LTBP3: variants seen among roughly 807,000 people sequenced by gnomAD.
LTBP3 encodes the protein latent transforming growth factor beta binding protein 3, also known as latent-transforming growth factor beta-binding protein 3.
In LTBP3, 97 loss-of-function variants were observed where a neutral mutation model predicts 159.7. The observed-to-expected ratio is 0.61, with a 90% CI of 0.52 to 0.72. The LOEUF (loss-of-function observed/expected upper bound fraction) is 0.72. Among genes scored for constraint, LTBP3 ranks in the 30% least tolerant of loss-of-function variants. The pLI is 0.00. For synonymous variants in LTBP3, 824 were observed against 777.1 expected (o/e 1.06, Z -1.00); for missense variants, 1,584 against 1,864.3 (o/e 0.85, Z 2.77).
chr11:65,538,945 C>T lies in LTBP3; in HGVS notation c.*135G>A. On this transcript the variant is annotated 3_prime_UTR_variant, in exon 28 of 28. Coordinates refer to ENST00000301873, the MANE Select transcript of LTBP3 (RefSeq NM_001130144.3). ...GGGGGCCGGTAGGGGCGCCTCGGGTCTCAAGGCGCCGGGAGGGTCTGCGGG... is the reference window on the plus strand; with the variant it reads ...GGGGGCCGGTAGGGGCGCCTCGGGTTTCAAGGCGCCGGGAGGGTCTGCGGG... 1 of 1,309,718 alleles carries T rather than the reference C, an allele frequency of 7.6e-7. No homozygotes were observed. The highest frequency in any genetic ancestry group is 9.7e-7 in the Non-Finnish European group (1 of 1,030,170). 81.1% of individuals were successfully genotyped at this position (1,309,718 alleles called of 1,614,324 possible). A position where few individuals can be genotyped will look rare whatever the true frequency, so the allele number is the denominator to read the frequency against.
intron 11 of LTBP3, among the ~76,000 whole-genome samples, chr11:65,549,576 T>TTC (rs1243229434): frequency 3.9e-5 from 5 of 126,898 alleles, no homozygotes; most frequent in African/African-American, 1.5e-4. Context: ...TCTTTTTTTT[T>TTC]TTTTTTTTTT....
rs2135158030 is a variant in LTBP3 at position 65,553,722 on chromosome 11, C to T, written c.843G>A (p.Gln281=). The change falls in exon 3 of 28, where the codon CAG becomes CAA. Residue 281 remains glutamine, a synonymous_variant. Transcript: ENST00000301873. This position sits in a 1 kb window ranked among gnomAD's most constrained non-coding sequence, Gnocchi z 6.5. ...TCACCGGCTGCTTGGGCAGAGTGTCCTGAAAGCAGCGGCCCAGGGGCTTCT... is the reference window on the plus strand; with the variant it reads ...TCACCGGCTGCTTGGGCAGAGTGTCTTGAAAGCAGCGGCCCAGGGGCTTCT... ...PTQKPLGRCF[Q]DTLPKQPCGS... 6.3e-7 allele frequency: 1 copy of T among 1,578,858 alleles called. No homozygotes were observed. The highest frequency in any genetic ancestry group is 8.5e-7 in the Non-Finnish European group (1 of 1,170,282).
Position 65,553,589 on chromosome 11 carries a change from G to A in LTBP3, c.865-59C>T. The A allele has an allele frequency of 6.7e-7, 1 of 1,503,154 alleles. No homozygotes were observed. The highest frequency in any genetic ancestry group is 9.1e-7 in the Non-Finnish European group (1 of 1,093,838). 93.1% of individuals were successfully genotyped at this position (1,503,154 alleles called of 1,614,324 possible). ...CACCCCGCCCCGGTGCCGCCTGTTA[G>A]GGTTGGGCCTTTTCCTCTTCCCCCG... is the stretch of plus-strand genomic sequence containing the variant. On this transcript the variant is annotated intron_variant, in intron 3 of 27. Transcript: ENST00000301873. The surrounding 1 kb of genome is among the most constrained non-coding windows in gnomAD (Gnocchi z 6.5).
Position 65,540,605 on chromosome 11 carries a change from T to G in LTBP3, c.2987A>C (p.Glu996Ala). 1.2e-6 allele frequency: 2 copies of G among 1,607,572 alleles called. No individual in the cohort carries two copies. The highest frequency in any genetic ancestry group is 8.5e-7 in the Non-Finnish European group (1 of 1,176,850). The change falls in exon 22 of 28, where the codon GAG (glutamate) becomes GCG (alanine). Residue 996 changes from glutamate to alanine, a missense_variant. Transcript: ENST00000301873. Reference protein sequence around the residue: ...YGIPAHRDIDECMLFGSEICK... With the variant: ...YGIPAHRDIDACMLFGSEICK... The stretch of plus-strand genomic sequence containing the variant: ...AATCTCCGACCCGAACAACATGCAC[T>G]CGTCGATGTCTGCGGGGTGACAAAC...
intron 11 of LTBP3, among the ~76,000 whole-genome samples, chr11:65,549,824 G>C (rs1856533201): frequency 6.7e-6 from 1 of 150,206 alleles, no homozygotes; most frequent in Admixed American, 6.6e-5. Flanking sequence ...GGGAGGCCAA[G>C]GCTGGAAGAT....
rs1856414349 is a variant in LTBP3, at chr11:65,547,324, A to C, written c.2107+115T>G. On this transcript the variant is annotated intron_variant, in intron 14 of 27. Coordinates refer to ENST00000301873, the MANE Select transcript of LTBP3 (RefSeq NM_001130144.3). This position sits in a 1 kb window ranked among gnomAD's most constrained non-coding sequence, Gnocchi z 4.6. ...TCACCACCGCACTCCAGCCTGGGCG[A>C]CAGAGTGAGACTCCGTCTCGGGGGA... 1.6e-6 allele frequency: 2 copies of C among 1,280,248 alleles called. No individual in the cohort carries two copies. The highest frequency in any genetic ancestry group is 1.5e-5 in the African/African-American group (1 of 64,890). The allele number at this position is 1,280,248 out of a possible 1,614,324, so 79.3% of individuals were successfully genotyped here. A position where few individuals can be genotyped will look rare whatever the true frequency, so the allele number is the denominator to read the frequency against.
At position 65,546,743 on chromosome 11, in the gene LTBP3, G is replaced by A; in HGVS notation, c.2230+55C>T. On this transcript the variant is annotated intron_variant, in intron 15 of 27. Coordinates refer to ENST00000301873, the MANE Select transcript of LTBP3 (RefSeq NM_001130144.3). The surrounding 1 kb of genome is among the most constrained non-coding windows in gnomAD (Gnocchi z 4.0). ...CCCCGCCCCGCCCCCAGCGGAGCCA[G>A]ACTGGGGGAGGCACCTGACGGCCCC... 1 of 1,014,534 alleles carries A rather than the reference G, an allele frequency of 9.9e-7. No individual in the cohort carries two copies. The highest frequency in any genetic ancestry group is 1.4e-6 in the Non-Finnish European group (1 of 698,474). 62.8% of individuals were successfully genotyped at this position (1,014,534 alleles called of 1,614,324 possible).
chr11:65,547,701 C>G lies in LTBP3; in HGVS notation c.1967G>C (p.Arg656Pro). ...CTGGCGGCGCTCACCCACGCACGAG[C>G]GCCCCCCGGCGCCCACGTGCAGGCG... ...GYRLHVGAGG[R>P]SCVDLNECAK... Residue 656 changes from arginine to proline, a missense_variant, in exon 13 of 28, where the codon CGC (arginine) becomes CCC (proline). Arg to Pro is a moderately radical substitution (Grantham distance 103). Transcript: ENST00000301873. This position sits in a 1 kb window ranked among gnomAD's most constrained non-coding sequence, Gnocchi z 4.6. 4 of 1,604,474 alleles carry G rather than the reference C, an allele frequency of 2.5e-6. No homozygotes were observed. Among genetic ancestry groups the G allele is most frequent in the Non-Finnish European group, 3.4e-6 (4 of 1,177,244 alleles).
At chr11:65,541,940 T>C (rs1413641297) in intron 18 of LTBP3, 4 of 565,010 alleles carry the variant, frequency 7.1e-6, no homozygotes, top group Admixed American at 2.8e-5. Context: ...CCACTAACCT[T>C]ACAAAACCTA....
In LTBP3 at chr11:65,554,764, G is replaced by T. The variant is rs1856747991; in HGVS notation, c.332-384C>A. Among the ~76,000 whole-genome samples, 1 of 152,002 alleles carries T rather than the reference G, an allele frequency of 6.6e-6. No individual in the cohort carries two copies. Among genetic ancestry groups the T allele is most frequent in the Non-Finnish European group, 1.5e-5 (1 of 67,990 alleles). On this transcript the variant is annotated intron_variant, in intron 1 of 27. Coordinates refer to ENST00000301873, the MANE Select transcript of LTBP3 (RefSeq NM_001130144.3). This position sits in a 1 kb window ranked among gnomAD's most constrained non-coding sequence, Gnocchi z 5.3. ...GGTAGCAAATAATTATGGTGATCTGGCTTTCCCCTTGAGCCTTCCAAAGGT... is the reference window on the plus strand; with the variant it reads ...GGTAGCAAATAATTATGGTGATCTGTCTTTCCCCTTGAGCCTTCCAAAGGT...
At chr11:65,556,719 AGT>A (rs1251127667) in intron 1 of LTBP3, among the ~76,000 whole-genome samples, 1 of 152,146 alleles carries the variant, frequency 6.6e-6, no homozygotes. Context: ...GAGCCACATG[AGT>A]GGGGTTCCTT....
In LTBP3 at chr11:65,553,924, C is replaced by T. The variant is rs775424532; in HGVS notation, c.662-21G>A. 19 of 1,519,614 alleles carry T rather than the reference C, an allele frequency of 1.3e-5. No homozygotes were observed. The highest frequency in any genetic ancestry group is 4.4e-6 in the Non-Finnish European group (5 of 1,132,756). The allele number at this position is 1,519,614 out of a possible 1,614,324, so 94.1% of individuals were successfully genotyped here. On this transcript the variant is annotated intron_variant, in intron 2 of 27. Coordinates refer to ENST00000301873, the MANE Select transcript of LTBP3 (RefSeq NM_001130144.3). The surrounding 1 kb of genome is among the most constrained non-coding windows in gnomAD (Gnocchi z 6.5). ...CTGCACTGGGGGCGGGCGCGGTGGC[C>T]TCAGGGCTGCCCGCACCGCGCCGCG...
chr11:65,543,009 A>ATGGG, intron 18 of LTBP3, 96 bp downstream of exon 18: 2 of 1,507,878 alleles, frequency 1.3e-6, no homozygotes, highest in Non-Finnish European at 1.8e-6. Context: ...GGATGGTTGG[A>ATGGG]TGGGTGGATG....
At position 65,538,762 on chromosome 11, in the gene LTBP3, T is replaced by G. The variant is rs1379009011; in HGVS notation, c.*318A>C. 1 of 892,916 alleles carries G rather than the reference T, an allele frequency of 1.1e-6. No individual in the cohort carries two copies. The highest frequency in any genetic ancestry group is 3.0e-5 in the Admixed American group (1 of 33,218). 55.3% of individuals were successfully genotyped at this position (892,916 alleles called of 1,614,324 possible). Reference sequence around the variant, plus strand: ...AGGCGGCTGGGGTCTGGCGCCGCCCTGCGCAGCCCGCGCCCACGTCAGACG... The same window carrying G: ...AGGCGGCTGGGGTCTGGCGCCGCCCGGCGCAGCCCGCGCCCACGTCAGACG... On this transcript the variant is annotated 3_prime_UTR_variant, in exon 28 of 28. Transcript: ENST00000301873.
chr11:65,543,655 C>T, intron 16 of LTBP3, 106 bp from the exon 17 acceptor site: 4 of 1,448,982 alleles, frequency 2.8e-6, no homozygotes, highest in Non-Finnish European at 3.9e-6. Context: ...CTGAGGCCAG[C>T]AGCACTCAGA....
rs1427662669 is a variant in LTBP3, at chr11:65,553,358, A to AGGGATGGGT, written c.970+58_970+66dup. On this transcript the variant is annotated intron_variant, in intron 4 of 27. Coordinates refer to ENST00000301873, the MANE Select transcript of LTBP3 (RefSeq NM_001130144.3). This position sits in a 1 kb window ranked among gnomAD's most constrained non-coding sequence, Gnocchi z 6.5. ...CTGGTGACCTGGGGACTCCCACTGCAGGGATGGGTGGGGTGGGTGGGGAGG... is the reference window on the plus strand; with the variant it reads ...CTGGTGACCTGGGGACTCCCACTGCAGGGATGGGTGGGATGGGTGGGGTGGGTGGGGAGG... 1.4e-5 allele frequency: 7 copies of AGGGATGGGT among 504,526 alleles called. No homozygotes were observed. Among genetic ancestry groups the AGGGATGGGT allele is most frequent in the Non-Finnish European group, 2.1e-5 (7 of 334,660 alleles). 31.3% of individuals were successfully genotyped at this position (504,526 alleles called of 1,614,324 possible).
rs1372102131 is a variant in LTBP3, at chr11:65,547,666, C to T, written c.1978+24G>A. On this transcript the variant is annotated intron_variant, in intron 13 of 27. Transcript: ENST00000301873. The surrounding 1 kb of genome is among the most constrained non-coding windows in gnomAD (Gnocchi z 4.6). The stretch of plus-strand genomic sequence containing the variant: ...GAGGAGAGCCCGTCCCACCCAGGGC[C>T]GCCTCCGCCCTGGCGGCGCTCACCC... 2 of 1,605,880 alleles carry T rather than the reference C, an allele frequency of 1.2e-6. No homozygotes were observed. Among genetic ancestry groups the T allele is most frequent in the Admixed American group, 1.7e-5 (1 of 59,558 alleles).
chr11:65,555,775 C>T (rs1856787397), intron 1 of LTBP3, among the ~76,000 whole-genome samples: 1 of 152,220 alleles, frequency 6.6e-6, no homozygotes, highest in Non-Finnish European at 1.5e-5. Flanking sequence ...CAGCCCTTCT[C>T]CTGCCCACCC....
chr11:65,551,515 GC>G, intron 9 of LTBP3, 32 bp downstream of exon 9: 5 of 1,614,032 alleles, frequency 3.1e-6, no homozygotes, highest in South Asian at 2.2e-5. Flanking sequence ...TCCCTCGCCT[GC>G]CCACCCCTCC....
Sources: gnomAD v4.1 joint callset for allele counts (sites outside exome capture counted in the v4.1 genomes callset) on GRCh38, gnomAD v4.1.1 for gene constraint, Gnocchi (gnomAD v3.1) non-coding constraint, MANE v1.5 for transcripts, NCBI Gene and HGNC (gene_info 2026-07-23, HGNC 2026-07-21) for gene names.